The following DCAF8L2 variants were observed in gnomAD, a reference collection of about 807,000 sequenced individuals.
DCAF8L2 encodes DDB1- and CUL4-associated factor 8-like protein 2.
For missense variants in DCAF8L2, 430 were observed against 490.7 expected, an observed-to-expected ratio of 0.88 and a Z score of 1.17; for synonymous variants, 200 against 190.9, an observed-to-expected ratio of 1.05 and a Z score of -0.39.
At chrX:27,679,489 T>C (rs1930250841) in intron 3 of DCAF8L2, among the ~76,000 whole-genome samples, 1 of 110,979 alleles carries the variant, frequency 9.0e-6, no homozygotes, top group Non-Finnish European at 1.9e-5. Context: ...TGTTTTCACT[T>C]GATATTTAAG....
chrX:27,727,503 T>C (rs1331912952), intron 4 of DCAF8L2, among the ~76,000 whole-genome samples: 1 of 111,870 alleles, frequency 8.9e-6, no homozygotes, highest in Non-Finnish European at 1.9e-5. Flanking sequence ...TCTGTTTTAT[T>C]TCGTTGATCT....
intron 2 of DCAF8L2, among the ~76,000 whole-genome samples, chrX:27,635,015 G>A (rs1928443888): frequency 9.3e-6 from 1 of 107,513 alleles, no homozygotes. Flanking sequence ...AAGAGAGAGA[G>A]AGCTCTTAGA....
rs140229938 is a variant in DCAF8L2 at position 27,725,182 on chromosome X, C to T, written c.-59+9011C>T. Reference sequence around the variant, plus strand: ...ATCCACAAGAGAAAACTATATAAGCCAAGTCAGAATTTTTAGCTGAATCTT... The same window carrying T: ...ATCCACAAGAGAAAACTATATAAGCTAAGTCAGAATTTTTAGCTGAATCTT... On this transcript the variant is annotated intron_variant, in intron 4 of 4. Transcript: ENST00000451261. 1.4e-4 allele frequency among the ~76,000 whole-genome samples: 16 copies of T among 110,527 alleles called. No homozygotes were observed. The East Asian group carries it at 2.5e-3, about 18-fold the overall frequency.
the DCAF8L2 span, among the ~76,000 whole-genome samples, chrX:27,565,831 T>G: frequency 9.1e-6 from 1 of 110,489 alleles, no homozygotes; most frequent in Middle Eastern, 4.7e-3. Flanking sequence ...CAGAGTTGAC[T>G]ACAAAGGTTT....
At chrX:27,519,937 G>A in the DCAF8L2 span, among the ~76,000 whole-genome samples, 1 of 111,747 alleles carries the variant, frequency 8.9e-6, no homozygotes, top group African/African-American at 3.2e-5. Flanking sequence ...ATTGTCAAAT[G>A]TAGGATGCAT....
At chrX:27,500,664 T>G in the DCAF8L2 span, among the ~76,000 whole-genome samples, 36 of 111,738 alleles carry the variant, frequency 3.2e-4, no homozygotes, top group African/African-American at 9.7e-4. Flanking sequence ...CAGAAAAAAT[T>G]TTAATGAGTG....
the DCAF8L2 span, among the ~76,000 whole-genome samples, chrX:27,513,014 A>T: frequency 9.0e-6 from 1 of 111,055 alleles, no homozygotes; most frequent in Admixed American, 9.6e-5. Flanking sequence ...CTCTTCAATA[A>T]ATGGTGCTGG....
At position 27,693,963 on chromosome X, in the gene DCAF8L2, T is replaced by A. The variant is rs781268222; in HGVS notation, c.-143+16051T>A. On this transcript the variant is annotated intron_variant, in intron 3 of 4. Coordinates refer to ENST00000451261, the MANE Select transcript of DCAF8L2 (RefSeq NM_001353450.2). ...AGCAAAGACATGGAATCAACCTAGA[T>A]GCCCATCAATGGTGGATTGGATAAA... is the stretch of plus-strand genomic sequence containing the variant. 5.4e-5 allele frequency among the ~76,000 whole-genome samples: 6 copies of A among 112,000 alleles called. No individual in the cohort carries two copies. In the South Asian group the frequency reaches 2.2e-3, roughly 41 times the overall value.
At chrX:27,482,210 T>G in the DCAF8L2 span, among the ~76,000 whole-genome samples, 5 of 111,623 alleles carry the variant, frequency 4.5e-5, no homozygotes, top group African/African-American at 1.6e-4. Flanking sequence ...TATTGCAAAT[T>G]GAATGAATTT....
At chrX:27,501,189 G>T in the DCAF8L2 span, among the ~76,000 whole-genome samples, 86 of 109,036 alleles carry the variant, frequency 7.9e-4, no homozygotes, top group Non-Finnish European at 1.5e-3. Context: ...TTATAAAGAG[G>T]CATTCTCTCT....
intron 1 of DCAF8L2, among the ~76,000 whole-genome samples, chrX:27,615,986 A>G (rs1927456377): frequency 9.0e-6 from 1 of 111,451 alleles, no homozygotes; most frequent in East Asian, 2.8e-4. Context: ...TATTAGATTT[A>G]TGGAGTAAAG....
At chrX:27,600,874 A>G (rs1926606004) in intron 1 of DCAF8L2, among the ~76,000 whole-genome samples, 1 of 112,022 alleles carries the variant, frequency 8.9e-6, no homozygotes, top group African/African-American at 3.2e-5. Flanking sequence ...AATATTAATC[A>G]TGGAAAGTTC....
At chrX:27,742,042 A>G (rs1189442312) in intron 4 of DCAF8L2, among the ~76,000 whole-genome samples, 1 of 112,055 alleles carries the variant, frequency 8.9e-6, no homozygotes, top group Non-Finnish European at 1.9e-5. Flanking sequence ...TTATTTTAAT[A>G]TTGTTTTCCC....
intron 2 of DCAF8L2, among the ~76,000 whole-genome samples, chrX:27,653,760 AC>A (rs1426261928): frequency 5.6e-5 from 6 of 107,943 alleles, no homozygotes; most frequent in Middle Eastern, 4.7e-3. Flanking sequence ...ACACACACAC[AC>A]AACATATATT....
At chrX:27,592,618 A>G (rs1185842416) in intron 1 of DCAF8L2, among the ~76,000 whole-genome samples, 1 of 108,004 alleles carries the variant, frequency 9.3e-6, no homozygotes, top group African/African-American at 3.4e-5. Context: ...TTTGTATTTT[A>G]GTAGAGATGG....
chrX:27,733,153 G>A (rs1004522457), intron 4 of DCAF8L2, among the ~76,000 whole-genome samples: 34 of 110,987 alleles, frequency 3.1e-4, no homozygotes, highest in Non-Finnish European at 2.3e-4. Flanking sequence ...CACCGTGCCC[G>A]GCCATGGTTT....
At chrX:27,498,200 A>C in the DCAF8L2 span, among the ~76,000 whole-genome samples, 1 of 112,452 alleles carries the variant, frequency 8.9e-6, no homozygotes, top group Admixed American at 9.4e-5. Context: ...CTACAAGAAG[A>C]ATTACTTGAT....
chrX:27,646,869 A>C (rs904378731), intron 2 of DCAF8L2, among the ~76,000 whole-genome samples: 2 of 111,881 alleles, frequency 1.8e-5, no homozygotes, highest in African/African-American at 3.2e-5. Context: ...ATACCATCTC[A>C]TGCCACTCAG....
the DCAF8L2 span, among the ~76,000 whole-genome samples, chrX:27,511,631 T>A: frequency 8.9e-6 from 1 of 112,442 alleles, no homozygotes; most frequent in Non-Finnish European, 1.9e-5. Context: ...AACTGGAGAA[T>A]AAGTTCTGGC....
Sources: allele counts gnomAD v4.1 joint callset (sites outside exome capture counted in the v4.1 genomes callset), GRCh38; gene constraint gnomAD v4.1.1; transcripts MANE v1.5; gene names NCBI Gene and HGNC (gene_info 2026-07-23, HGNC 2026-07-21).